The following MBD5 variants were observed in gnomAD, a reference collection of about 807,000 sequenced individuals.
MBD5 encodes methyl-CpG binding domain protein 5.
In MBD5, 13 loss-of-function variants were observed where a neutral mutation model predicts 117.3. The observed-to-expected ratio is 0.11, with a 90% CI of 0.07 to 0.18. The LOEUF (loss-of-function observed/expected upper bound fraction) is 0.18, where lower values mean the gene tolerates loss of function less well. MBD5 is among the 10% of genes least tolerant of loss of function. The pLI is 1.00. For missense variants in MBD5, 1,879 were observed against 2,093.8 expected (o/e 0.90, Z 2.00); for synonymous variants, 727 against 766.4 (o/e 0.95, Z 0.85).
rs190051568 is a variant in MBD5, at chr2:148,510,262, A to T, written c.5112+127A>T. 391 of 679,810 alleles carry T rather than the reference A, an allele frequency of 5.8e-4. 1 individual carries two copies. The African/African-American group carries it at 6.6e-3, about 12-fold the overall frequency. 42.1% of individuals were successfully genotyped at this position (679,810 alleles called of 1,614,324 possible). A position where few individuals can be genotyped will look rare whatever the true frequency, so the allele number is the denominator to read the frequency against. On this transcript the variant is annotated intron_variant, in intron 13 of 13. Transcript: ENST00000642680. ...CAATACTAAATTACTAGCCTAGAAA[A>T]AAAAGACAAATATTAGAAAAGATTC...
chr2:148,222,415 TTCGGTG>T (rs1192294062), intron 2 of MBD5, among the ~76,000 whole-genome samples: 4 of 152,190 alleles, frequency 2.6e-5, no homozygotes, highest in Non-Finnish European at 4.4e-5. Flanking sequence ...TCTGGTTTCT[TTCGGTG>T]TCCTCTTCAA....
intron 10 of MBD5, among the ~76,000 whole-genome samples, chr2:148,486,955 G>A (rs1403555569): frequency 6.6e-6 from 1 of 152,130 alleles, no homozygotes; most frequent in African/African-American, 2.4e-5. Flanking sequence ...TCATTTTAGA[G>A]AAATCTTCAA....
intron 4 of MBD5, among the ~76,000 whole-genome samples, chr2:148,421,336 C>T (rs1401800539): frequency 2.0e-5 from 3 of 152,160 alleles, no homozygotes; most frequent in African/African-American, 7.2e-5. Flanking sequence ...GGGTATTTCC[C>T]TCCCCTAGCC....
At chr2:148,066,812 G>A (rs1376184272) in intron 1 of MBD5, among the ~76,000 whole-genome samples, 2 of 152,084 alleles carry the variant, frequency 1.3e-5, no homozygotes, top group Non-Finnish European at 2.9e-5. Flanking sequence ...CTTTGCTCAA[G>A]CTCTTTCTTC....
intron 1 of MBD5, chr2:148,028,072 GCTTAA>G (rs1166842521): frequency 2.1e-4 from 32 of 152,122 alleles, no homozygotes; most frequent in African/African-American, 6.5e-4. Context: ...TGAGATCCAG[GCTTAA>G]CTTATATTAT....
chr2:148,023,724 A>G (rs1368932708), intron 1 of MBD5, among the ~76,000 whole-genome samples: 2 of 152,146 alleles, frequency 1.3e-5, no homozygotes, highest in Non-Finnish European at 2.9e-5. Flanking sequence ...GCAGCTGAGT[A>G]AAAATTTAGT....
intron 4 of MBD5, among the ~76,000 whole-genome samples, chr2:148,439,736 TC>T (rs1706261729): frequency 1.4e-5 from 2 of 140,110 alleles, no homozygotes; most frequent in African/African-American, 2.8e-5. Flanking sequence ...TCATTCTCTC[TC>T]TTTTTTTTTT....
intron 1 of MBD5, among the ~76,000 whole-genome samples, chr2:148,036,991 A>G (rs967634385): frequency 1.5e-4 from 22 of 149,310 alleles, no homozygotes; most frequent in African/African-American, 4.2e-4. Flanking sequence ...TTAAAGAGAT[A>G]ATTATAAATG....
chr2:148,484,339 C>T (rs1013034428), intron 9 of MBD5, among the ~76,000 whole-genome samples: 4 of 152,318 alleles, frequency 2.6e-5, no homozygotes, highest in East Asian at 3.9e-4. Context: ...TTCCCCTATT[C>T]TAGCAATACT....
intron 1 of MBD5, among the ~76,000 whole-genome samples, chr2:148,030,186 G>A (rs139689446): frequency 0.011 from 1,668 of 151,952 alleles, 38 homozygotes; most frequent in African/African-American, 0.038. Flanking sequence ...CAAGAGAATC[G>A]CTTCAACTCA....
intron 4 of MBD5, among the ~76,000 whole-genome samples, chr2:148,434,748 T>C (rs1442372706): frequency 6.6e-6 from 1 of 152,040 alleles, no homozygotes; most frequent in Non-Finnish European, 1.5e-5. Flanking sequence ...GGGTAGAGAG[T>C]TCTGTAGATG....
At chr2:148,243,571 C>T (rs1700267741) in intron 3 of MBD5, 1 of 151,516 alleles carries the variant, frequency 6.6e-6, no homozygotes, top group Non-Finnish European at 1.5e-5. Context: ...AATAATAAAG[C>T]TATCTTGTTT....
chr2:148,334,295 G>A (rs554305414), intron 3 of MBD5, among the ~76,000 whole-genome samples: 1 of 151,796 alleles, frequency 6.6e-6, no homozygotes, highest in East Asian at 1.9e-4. Context: ...CCAAACTGTG[G>A]TTACTGTCAC....
At chr2:148,276,666 A>G (rs1008951979) in intron 3 of MBD5, among the ~76,000 whole-genome samples, 2 of 152,190 alleles carry the variant, frequency 1.3e-5, no homozygotes, top group Non-Finnish European at 2.9e-5. Context: ...ATGTCGTTTT[A>G]TAGCAATTTT....
intron 1 of MBD5, among the ~76,000 whole-genome samples, chr2:148,029,835 TATTGAC>T (rs1160521128): frequency 2.0e-5 from 3 of 152,238 alleles, no homozygotes; most frequent in African/African-American, 7.2e-5. Flanking sequence ...ATGTAATTTT[TATTGAC>T]ATCCAAGTTT....
intron 3 of MBD5, among the ~76,000 whole-genome samples, chr2:148,242,703 A>G (rs1208032665): frequency 1.3e-5 from 2 of 152,202 alleles, no homozygotes; most frequent in Admixed American, 6.5e-5. Context: ...CTACCACTAT[A>G]TAATGAGCTA....
chr2:148,128,733 A>G lies in MBD5; in HGVS notation c.-924-49967A>G, dbSNP rs142670545. Among the ~76,000 whole-genome samples the G allele has an allele frequency of 1.7e-3, 253 of 152,334 alleles. 2 individuals are homozygous for G. Among genetic ancestry groups the G allele is most frequent in the African/African-American group, 5.8e-3 (241 of 41,582 alleles). On this transcript the variant is annotated intron_variant, in intron 1 of 13. Coordinates refer to ENST00000642680, the MANE Select transcript of MBD5 (RefSeq NM_001378120.1). ...TCAGAATGCATGTATGCATGTGTGT[A>G]TGCATGTATTGCCAGTGAGCCACTC... is the stretch of plus-strand genomic sequence containing the variant.
chr2:148,078,842 A>G (rs115723260), intron 1 of MBD5, among the ~76,000 whole-genome samples: 1,554 of 152,326 alleles, frequency 0.01, 36 homozygotes, highest in African/African-American at 0.035. Flanking sequence ...AGTAATTTGG[A>G]TTAGCCAATA....
At chr2:148,344,892 A>G (rs562863453) in intron 4 of MBD5, among the ~76,000 whole-genome samples, 2 of 152,064 alleles carry the variant, frequency 1.3e-5, no homozygotes, top group South Asian at 2.1e-4. Flanking sequence ...TGATTTTTTA[A>G]GAGAATCTCT....
Sources: gnomAD v4.1 joint callset for allele counts (sites outside exome capture counted in the v4.1 genomes callset) on GRCh38, gnomAD v4.1.1 for gene constraint, MANE v1.5 for transcripts, NCBI Gene and HGNC (gene_info 2026-07-23, HGNC 2026-07-21) for gene names.